Variants in CYYR1 observed in about 807,000 individuals in gnomAD.
The protein encoded by CYYR1 is cysteine and tyrosine-rich protein 1.
Under a neutral mutation model 15.2 loss-of-function variants are expected in CYYR1, and 14 were observed. The ratio of observed to expected loss-of-function variants is 0.92; its 90% CI spans 0.61 to 1.44. The LOEUF (loss-of-function observed/expected upper bound fraction) is 1.44. Ranked by LOEUF, CYYR1 falls within the 40% of genes most tolerant of loss-of-function variation. The pLI is 0.00. For synonymous variants in CYYR1, 80 were observed against 77.4 expected (o/e 1.03, Z -0.18); for missense variants, 228 against 209.5 (o/e 1.09, Z -0.54).
intron 2 of CYYR1, among the ~76,000 whole-genome samples, chr21:26,522,106 T>G (rs980062961): frequency 2.0e-5 from 3 of 152,220 alleles, no homozygotes; most frequent in Non-Finnish European, 4.4e-5. Flanking sequence ...CCTTTATTTT[T>G]AAGCACATTT....
At chr21:26,536,040 CG>C (rs1457081370) in intron 2 of CYYR1, among the ~76,000 whole-genome samples, 2 of 152,090 alleles carry the variant, frequency 1.3e-5, no homozygotes, top group Non-Finnish European at 2.9e-5. Context: ...GGCTTCGAGA[CG>C]CTTACAACCA....
intron 2 of CYYR1, among the ~76,000 whole-genome samples, chr21:26,543,296 C>T (rs1240002215): frequency 6.6e-6 from 1 of 151,858 alleles, no homozygotes; most frequent in Non-Finnish European, 1.5e-5. Flanking sequence ...ACATGTTTAC[C>T]TATGTAACAA....
At chr21:26,558,699 C>T (rs1487867923) in intron 2 of CYYR1, among the ~76,000 whole-genome samples, 5 of 152,186 alleles carry the variant, frequency 3.3e-5, no homozygotes, top group African/African-American at 4.8e-5. Flanking sequence ...AAATAATACA[C>T]AGAATTATTT....
intron 2 of CYYR1, among the ~76,000 whole-genome samples, chr21:26,482,733 G>A (rs763371210): frequency 6.6e-6 from 1 of 152,028 alleles, no homozygotes; most frequent in Non-Finnish European, 1.5e-5. Flanking sequence ...TGAGGGCATT[G>A]CTTATTGTCT....
At chr21:26,502,168 T>C (rs2065489871) in intron 2 of CYYR1, among the ~76,000 whole-genome samples, 1 of 152,164 alleles carries the variant, frequency 6.6e-6, no homozygotes, top group South Asian at 2.1e-4. Flanking sequence ...GAACAGTCTA[T>C]GTAGGAAGGC....
chr21:26,472,001 C>T (rs563486236), intron 3 of CYYR1, among the ~76,000 whole-genome samples: 39 of 152,254 alleles, frequency 2.6e-4, no homozygotes, highest in African/African-American at 8.7e-4. Context: ...TGGGAAGATG[C>T]GTGGTGTTAC....
chr21:26,481,053 G>A (rs915398298), intron 2 of CYYR1, among the ~76,000 whole-genome samples: 1 of 151,888 alleles, frequency 6.6e-6, no homozygotes, highest in African/African-American at 2.4e-5. Flanking sequence ...TTTCTTTCCC[G>A]CAGAAAGTTT....
chr21:26,508,876 A>G (rs1222593124), intron 2 of CYYR1, among the ~76,000 whole-genome samples: 1 of 152,220 alleles, frequency 6.6e-6, no homozygotes, highest in Non-Finnish European at 1.5e-5. Context: ...TATCATCAGT[A>G]TAATGTGCAT....
chr21:26,477,299 A>G (rs749807959), intron 3 of CYYR1, among the ~76,000 whole-genome samples: 1 of 152,182 alleles, frequency 6.6e-6, no homozygotes, highest in Non-Finnish European at 1.5e-5. Flanking sequence ...ACCTTCAAGT[A>G]AAATCTTAAT....
chr21:26,566,430 T>C (rs764281482), intron 1 of CYYR1, 62 bp from the exon 2 acceptor site: 32 of 1,320,676 alleles, frequency 2.4e-5, no homozygotes, highest in African/African-American at 1.0e-4. Context: ...CAAGAAAAAT[T>C]ATTCTATTTC....
At chr21:26,520,874 C>G (rs1213597609) in intron 2 of CYYR1, among the ~76,000 whole-genome samples, 2 of 152,186 alleles carry the variant, frequency 1.3e-5, no homozygotes, top group Non-Finnish European at 2.9e-5. Context: ...GAGATCATGT[C>G]TTTTGCAGGG....
intron 2 of CYYR1, among the ~76,000 whole-genome samples, chr21:26,526,735 C>A (rs1260358822): frequency 6.6e-6 from 1 of 152,190 alleles, no homozygotes; most frequent in Admixed American, 6.5e-5. Context: ...AATCTTAGGT[C>A]AACCAGGTAT....
In CYYR1 at chr21:26,566,242, T is replaced by C. The variant is rs372526859; in HGVS notation, c.176+24A>G. 1.0e-4 allele frequency: 158 copies of C among 1,551,588 alleles called. No individual in the cohort carries two copies. In the African/African-American group the frequency reaches 1.9e-3, roughly 19 times the overall value. The stretch of plus-strand genomic sequence containing the variant: ...CTGGACAAGAGGAAGAGCATCAGTA[T>C]TGCCAAATCTGACGAATACTCACGA... On this transcript the variant is annotated intron_variant, in intron 2 of 3. Coordinates refer to ENST00000652641, the MANE Select transcript of CYYR1 (RefSeq NM_001320768.2).
chr21:26,568,008 T>C (rs1980759775), intron 1 of CYYR1: 1 of 152,220 alleles, frequency 6.6e-6, no homozygotes, highest in African/African-American at 2.4e-5. Context: ...TATGAAGGAA[T>C]GAAAGCGAAA....
intron 2 of CYYR1, among the ~76,000 whole-genome samples, chr21:26,543,146 G>A (rs2123655614): frequency 6.6e-6 from 1 of 152,248 alleles, no homozygotes; most frequent in South Asian, 2.1e-4. Context: ...GAGAACACAG[G>A]GACACAGGGA....
At position 26,517,114 on chromosome 21, in the gene CYYR1, CAAAAAAAAAAAA is replaced by C. The variant is rs61352955; in HGVS notation, c.177-36697_177-36686del. 1.3e-3 allele frequency among the ~76,000 whole-genome samples: 59 copies of C among 46,704 alleles called. 2 individuals carry two copies. In the East Asian group the frequency reaches 0.033, roughly 26 times the overall value. The allele number at this position is 46,704 out of a possible 152,430, so 30.6% of individuals were successfully genotyped here. A position where few individuals can be genotyped will look rare whatever the true frequency, so the allele number is the denominator to read the frequency against. Reference sequence around the variant, plus strand: ...TGGGCGACAGAGCGAGACTCCGTCTCAAAAAAAAAAAAAAAAAAAAAAAAAAAAAAGAATTCA... The same window carrying C: ...TGGGCGACAGAGCGAGACTCCGTCTCAAAAAAAAAAAAAAAAAAGAATTCA... On this transcript the variant is annotated intron_variant, in intron 2 of 3. Transcript: ENST00000652641.
chr21:26,555,700 T>C (rs1979725548), intron 2 of CYYR1, among the ~76,000 whole-genome samples: 1 of 152,164 alleles, frequency 6.6e-6, no homozygotes, highest in Non-Finnish European at 1.5e-5. Flanking sequence ...AATCCTATTA[T>C]ACCTTATGAG....
chr21:26,559,822 A>G (rs1019195551), intron 2 of CYYR1, among the ~76,000 whole-genome samples: 5 of 152,200 alleles, frequency 3.3e-5, no homozygotes, highest in African/African-American at 1.2e-4. Context: ...CCATTAACCA[A>G]TATCACACAA....
intron 2 of CYYR1, among the ~76,000 whole-genome samples, chr21:26,550,107 A>G (rs1007037287): frequency 6.6e-6 from 1 of 152,110 alleles, no homozygotes; most frequent in Non-Finnish European, 1.5e-5. Context: ...AATATGTCAA[A>G]CTTTTTCATT....
Sources: gnomAD v4.1 joint callset for allele counts (sites outside exome capture counted in the v4.1 genomes callset) on GRCh38, gnomAD v4.1.1 for gene constraint, MANE v1.5 for transcripts, NCBI Gene and HGNC (gene_info 2026-07-23, HGNC 2026-07-21) for gene names.